AGAP1: variants seen among roughly 807,000 people sequenced by gnomAD.
AGAP1 encodes arf-GAP with GTPase, ANK repeat and PH domain-containing protein 1.
In AGAP1, 29 loss-of-function variants were observed where a neutral mutation model predicts 105.3. The observed-to-expected ratio is 0.28, with a 90% CI of 0.21 to 0.38. The LOEUF (loss-of-function observed/expected upper bound fraction) is 0.38, where lower values mean the gene tolerates loss of function less well. AGAP1 is among the 10% of genes least tolerant of loss of function. The pLI is 1.00. For missense variants in AGAP1, 998 were observed against 1,165.1 expected, an observed-to-expected ratio of 0.86 and a Z score of 2.09; for synonymous variants, 509 against 485.9, an observed-to-expected ratio of 1.05 and a Z score of -0.63.
At position 235,936,234 on chromosome 2, in the gene AGAP1, C is replaced by T. The variant is rs1055355339; in HGVS notation, c.1483+5311C>T. Among the ~76,000 whole-genome samples the T allele has an allele frequency of 1.7e-4, 26 of 152,200 alleles. No homozygotes were observed. The highest frequency in any genetic ancestry group is 1.6e-3 in the Admixed American group (24 of 15,284). On this transcript the variant is annotated intron_variant, in intron 12 of 17. Coordinates refer to ENST00000304032, the MANE Select transcript of AGAP1 (RefSeq NM_001037131.3). The surrounding 1 kb of genome is among the most constrained non-coding windows in gnomAD (Gnocchi z 4.7). ...TCCCTCGGCCTCCCCCAGGCCACCA[C>T]GCAGCCTCGTCACCATCGAGCACAA...
chr2:235,799,636 T>A lies in AGAP1; in HGVS notation c.957+114T>A. 8.6e-7 allele frequency: 1 copy of A among 1,167,060 alleles called. No homozygotes were observed. Among genetic ancestry groups the A allele is most frequent in the Non-Finnish European group, 1.2e-6 (1 of 842,662 alleles). 72.3% of individuals were successfully genotyped at this position (1,167,060 alleles called of 1,614,324 possible). A position where few individuals can be genotyped will look rare whatever the true frequency, so the allele number is the denominator to read the frequency against. On this transcript the variant is annotated intron_variant, in intron 8 of 17. Transcript: ENST00000304032. This position sits in a 1 kb window ranked among gnomAD's most constrained non-coding sequence, Gnocchi z 5.0. ...TTGTAGAATCTCAACTATATTAAAG[T>A]GAATAACATTGATTTCTGTGGAGGA...
rs911251553 is a variant in AGAP1, at chr2:235,608,679, G to A, written c.164-100500G>A. Among the ~76,000 whole-genome samples, 7 of 152,148 alleles carry A rather than the reference G, an allele frequency of 4.6e-5. No homozygotes were observed. Among genetic ancestry groups the A allele is most frequent in the Admixed American group, 6.5e-5 (1 of 15,272 alleles). ...GAGAGGAACGAGGTCTCTGGATTCC[G>A]GACGCCCTGCTGCTACTTGGCCTCC... On this transcript the variant is annotated intron_variant, in intron 1 of 17. Transcript: ENST00000304032. The surrounding 1 kb of genome is among the most constrained non-coding windows in gnomAD (Gnocchi z 5.4).
intron 1 of AGAP1, among the ~76,000 whole-genome samples, chr2:235,531,670 C>T (rs1375991597): frequency 1.3e-5 from 2 of 149,736 alleles, no homozygotes; most frequent in Admixed American, 6.7e-5. Flanking sequence ...TGCAGTGGCG[C>T]GATCTCGGCT....
chr2:236,015,499 A>G (rs1211586320), intron 13 of AGAP1, among the ~76,000 whole-genome samples: 1 of 152,190 alleles, frequency 6.6e-6, no homozygotes, highest in Non-Finnish European at 1.5e-5. Context: ...TTGCTTTTGT[A>G]TAATAGCAGA....
chr2:235,745,208 T>C (rs777699145), intron 5 of AGAP1, among the ~76,000 whole-genome samples: 3 of 152,244 alleles, frequency 2.0e-5, no homozygotes, highest in Non-Finnish European at 4.4e-5. Context: ...ATAAAATGAT[T>C]TATAAACAAT....
At position 235,883,507 on chromosome 2, in the gene AGAP1, G is replaced by A; in HGVS notation, c.1155+58G>A. ...TGCAGACCTCAACTAAACACTGTGG[G>A]GAAGGGGAACCTACCAGCAGCCCAG... On this transcript the variant is annotated intron_variant, in intron 10 of 17. Transcript: ENST00000304032. This position sits in a 1 kb window ranked among gnomAD's most constrained non-coding sequence, Gnocchi z 4.5. The A allele has an allele frequency of 7.0e-7, 1 of 1,434,898 alleles. No individual in the cohort carries two copies. The highest frequency in any genetic ancestry group is 1.2e-5 in the South Asian group (1 of 83,884). 88.9% of individuals were successfully genotyped at this position (1,434,898 alleles called of 1,614,324 possible).
rs1238891922 is a variant in AGAP1 at position 235,550,513 on chromosome 2, C to A, written c.163+55664C>A. Among the ~76,000 whole-genome samples the A allele has an allele frequency of 6.6e-6, 1 of 152,162 alleles. No individual in the cohort carries two copies. The highest frequency in any genetic ancestry group is 1.9e-4 in the East Asian group (1 of 5,188). ...TGCCTGCCCAGAGTGTGCTAGAATGCCAGTTCTTGGGCCCCACCCCACACC... is the reference window on the plus strand; with the variant it reads ...TGCCTGCCCAGAGTGTGCTAGAATGACAGTTCTTGGGCCCCACCCCACACC... On this transcript the variant is annotated intron_variant, in intron 1 of 17. Transcript: ENST00000304032. The surrounding 1 kb of genome is among the most constrained non-coding windows in gnomAD (Gnocchi z 4.6).
Position 236,073,275 on chromosome 2 carries a change from G to A in AGAP1, c.2114+23994G>A, listed in dbSNP as rs945426772. ...CTCCCAAAGTGCTGGGATTACAGAT[G>A]TGAGCCACCGTGCCTGGCCTATATT... On this transcript the variant is annotated intron_variant, in intron 16 of 17. Coordinates refer to ENST00000304032, the MANE Select transcript of AGAP1 (RefSeq NM_001037131.3). This position sits in a 1 kb window ranked among gnomAD's most constrained non-coding sequence, Gnocchi z 5.4. Among the ~76,000 whole-genome samples the A allele has an allele frequency of 2.4e-4, 36 of 152,178 alleles. 1 individual carries two copies. The highest frequency in any genetic ancestry group is 2.3e-3 in the Admixed American group (35 of 15,282).
rs1213111066 is a variant in AGAP1 at position 235,792,482 on chromosome 2, G to T, written c.674-5277G>T. On this transcript the variant is annotated intron_variant, in intron 6 of 17. Coordinates refer to ENST00000304032, the MANE Select transcript of AGAP1 (RefSeq NM_001037131.3). This position sits in a 1 kb window ranked among gnomAD's most constrained non-coding sequence, Gnocchi z 5.3. ...AAACTGGAAATAGAACAGCGCTGTG[G>T]TAAGATTTGCCTTTGAGGTCGCCCT... is the stretch of plus-strand genomic sequence containing the variant. Among the ~76,000 whole-genome samples the T allele has an allele frequency of 2.0e-5, 3 of 152,218 alleles. No individual in the cohort carries two copies. The highest frequency in any genetic ancestry group is 2.4e-5 in the African/African-American group (1 of 41,448).
chr2:235,857,490 C>T (rs1014943748), intron 9 of AGAP1, among the ~76,000 whole-genome samples: 8 of 152,294 alleles, frequency 5.3e-5, no homozygotes, highest in Non-Finnish European at 2.9e-5. Context: ...CCGACCCTCC[C>T]GTTGCTCACA....
intron 1 of AGAP1, among the ~76,000 whole-genome samples, chr2:235,634,476 A>G (rs1223546492): frequency 6.6e-6 from 1 of 152,220 alleles, no homozygotes; most frequent in Non-Finnish European, 1.5e-5. Context: ...GGAGCTTAGA[A>G]GCTGTCCATC....
At chr2:236,108,746 T>A (rs1252661862) in intron 16 of AGAP1, among the ~76,000 whole-genome samples, 1 of 152,142 alleles carries the variant, frequency 6.6e-6, no homozygotes, top group Admixed American at 6.5e-5. Context: ...AGGCTGAGGA[T>A]GAAACCACCA....
At chr2:235,680,309 G>A (rs1004465638) in intron 1 of AGAP1, among the ~76,000 whole-genome samples, 8 of 152,206 alleles carry the variant, frequency 5.3e-5, no homozygotes, top group African/African-American at 1.2e-4. Flanking sequence ...AATTTGGCGC[G>A]GGAGAAGTGT....
intron 1 of AGAP1, among the ~76,000 whole-genome samples, chr2:235,592,259 A>T (rs1470669708): frequency 6.6e-6 from 1 of 152,082 alleles, no homozygotes; most frequent in Non-Finnish European, 1.5e-5. Context: ...GCTGCATTTA[A>T]TTCTGGGCAC....
At chr2:235,708,084 A>G (rs1575186536) in intron 1 of AGAP1, among the ~76,000 whole-genome samples, 1 of 148,998 alleles carries the variant, frequency 6.7e-6, no homozygotes, top group Non-Finnish European at 1.5e-5. Context: ...CCCTGCATCC[A>G]TGCGGTCCTC....
Position 236,130,649 on chromosome 2 carries a change from G to C in AGAP1, c.*6527G>C, listed in dbSNP as rs2060070713. 4 of 152,434 alleles carry C rather than the reference G, an allele frequency of 2.6e-5. No individual in the cohort carries two copies. The South Asian group carries it at 6.2e-4, about 24-fold the overall frequency. 9.4% of individuals were successfully genotyped at this position (152,434 alleles called of 1,614,324 possible). A position where few individuals can be genotyped will look rare whatever the true frequency, so the allele number is the denominator to read the frequency against. On this transcript the variant is annotated 3_prime_UTR_variant, in exon 18 of 18. Transcript: ENST00000304032. The surrounding 1 kb of genome is among the most constrained non-coding windows in gnomAD (Gnocchi z 5.8). ...GAGGATGTCAGGGGCCTTTGGACTT[G>C]AGGAAGGACAGTCCAGGTGCATGGA...
At chr2:235,950,799 T>TA (rs1398126277) in intron 12 of AGAP1, among the ~76,000 whole-genome samples, 1 of 151,572 alleles carries the variant, frequency 6.6e-6, no homozygotes, top group Admixed American at 6.6e-5. Flanking sequence ...TCAACCACAG[T>TA]ATGTGACTGA....
At chr2:236,098,620 CTTTT>C (rs34419216) in intron 16 of AGAP1, among the ~76,000 whole-genome samples, 31,266 of 115,290 alleles carry the variant, frequency 0.27, 4,289 homozygotes, top group South Asian at 0.36. Flanking sequence ...TCTTTTTTTC[CTTTT>C]TTTTTTTTTT....
chr2:235,900,851 G>A lies in AGAP1; in HGVS notation c.1156-7887G>A, dbSNP rs2051032617. Among the ~76,000 whole-genome samples, 1 of 152,204 alleles carries A rather than the reference G, an allele frequency of 6.6e-6. No homozygotes were observed. Among genetic ancestry groups the A allele is most frequent in the African/African-American group, 2.4e-5 (1 of 41,436 alleles). On this transcript the variant is annotated intron_variant, in intron 10 of 17. Transcript: ENST00000304032. The surrounding 1 kb of genome is among the most constrained non-coding windows in gnomAD (Gnocchi z 5.5). ...CACTGTCATGCACTTACAAGCATGG[G>A]TCAGGTAGTCTTCAGGAACGCAGTT...
Sources: gnomAD v4.1 joint callset for allele counts (sites outside exome capture counted in the v4.1 genomes callset) on GRCh38, gnomAD v4.1.1 for gene constraint, Gnocchi (gnomAD v3.1) non-coding constraint, MANE v1.5 for transcripts, NCBI Gene and HGNC (gene_info 2026-07-23, HGNC 2026-07-21) for gene names.